Variants in RBFOX1 observed in about 807,000 individuals in gnomAD.
The protein encoded by RBFOX1 is RNA binding fox-1 homolog 1.
In RBFOX1, 8 loss-of-function variants were observed where a neutral mutation model predicts 57.7. That is an observed-to-expected ratio of 0.14 (90% CI 0.08 to 0.25). The LOEUF is 0.25. Among genes scored for constraint, RBFOX1 ranks in the 10% least tolerant of loss-of-function variants. The pLI is 1.00. For missense variants in RBFOX1, 611 were observed against 548.5 expected (o/e 1.11, Z -1.14); for synonymous variants, 326 against 222.4 (o/e 1.47, Z -4.15).
chr16:7,200,125 C>G (rs2087946660), intron 4 of RBFOX1, among the ~76,000 whole-genome samples: 1 of 152,160 alleles, frequency 6.6e-6, no homozygotes, highest in Non-Finnish European at 1.5e-5. Flanking sequence ...ACCAACAAAA[C>G]TGGTTTGAAT....
At chr16:7,602,647 G>A (rs189293581) in intron 9 of RBFOX1, among the ~76,000 whole-genome samples, 127 of 152,302 alleles carry the variant, frequency 8.3e-4, no homozygotes, top group African/African-American at 2.9e-3. Context: ...TCATTTGCAT[G>A]TGATTTGCAT....
intron 12 of RBFOX1, among the ~76,000 whole-genome samples, chr16:7,657,099 A>G (rs1318390841): frequency 6.6e-6 from 1 of 152,150 alleles, no homozygotes; most frequent in East Asian, 1.9e-4. Flanking sequence ...ATGAATCTAT[A>G]TTGTTACTAA....
intron 4 of RBFOX1, among the ~76,000 whole-genome samples, chr16:7,488,617 C>G (rs916557480): frequency 6.6e-6 from 1 of 152,136 alleles, no homozygotes; most frequent in Non-Finnish European, 1.5e-5. Flanking sequence ...CGTTACACAC[C>G]TATCTACTAT....
chr16:7,221,257 C>A (rs372519809), intron 4 of RBFOX1, among the ~76,000 whole-genome samples: 14 of 152,078 alleles, frequency 9.2e-5, no homozygotes, highest in African/African-American at 2.7e-4. Context: ...GGCTTCATAG[C>A]CACAAGGAGG....
rs536378473 is a variant in RBFOX1, at chr16:5,946,631, C to T, written c.351+79296C>T. On this transcript the variant is annotated intron_variant, in intron 4 of 19. Coordinates refer to the RBFOX1 transcript ENST00000641259. The surrounding 1 kb of genome is among the most constrained non-coding windows in gnomAD (Gnocchi z 4.6). Reference sequence around the variant, plus strand: ...TAGTAATTTCCTAAATTCTGTGAGCCGTGCTAGGCAACTATTGAACCAGAG... The same window carrying T: ...TAGTAATTTCCTAAATTCTGTGAGCTGTGCTAGGCAACTATTGAACCAGAG... Among the ~76,000 whole-genome samples, 34 of 152,252 alleles carry T rather than the reference C, an allele frequency of 2.2e-4. No homozygotes were observed. The highest frequency in any genetic ancestry group is 3.4e-3 in the Middle Eastern group (1 of 294).
chr16:6,047,232 G>A (rs1381333751), intron 1 of RBFOX1, among the ~76,000 whole-genome samples: 1 of 152,156 alleles, frequency 6.6e-6, no homozygotes, highest in Non-Finnish European at 1.5e-5. Flanking sequence ...ATGTGCGTGT[G>A]TTTCCTCCTG....
At chr16:6,856,721 C>G (rs181627206) in intron 3 of RBFOX1, among the ~76,000 whole-genome samples, 89 of 152,222 alleles carry the variant, frequency 5.8e-4, no homozygotes, top group African/African-American at 2.1e-3. Flanking sequence ...ATCTCAATCA[C>G]AAACTACCAT....
At chr16:7,281,523 C>T (rs188687754) in intron 4 of RBFOX1, among the ~76,000 whole-genome samples, 4 of 152,176 alleles carry the variant, frequency 2.6e-5, no homozygotes, top group African/African-American at 9.6e-5. Flanking sequence ...CATACACACA[C>T]AAAGAGACCA....
intron 4 of RBFOX1, among the ~76,000 whole-genome samples, chr16:7,326,914 C>A (rs1335250655): frequency 1.1e-4 from 16 of 152,138 alleles, no homozygotes; most frequent in Non-Finnish European, 2.2e-4. Context: ...TCAGTCATTT[C>A]TGGAAGGATT....
chr16:7,621,375 C>T (rs534642707), intron 10 of RBFOX1, among the ~76,000 whole-genome samples: 4 of 152,142 alleles, frequency 2.6e-5, no homozygotes, highest in African/African-American at 7.2e-5. Context: ...ATTCTTGTGC[C>T]TCAGCCGCCC....
At chr16:5,417,384 A>G (rs1031034500) in intron 1 of RBFOX1, among the ~76,000 whole-genome samples, 1 of 152,220 alleles carries the variant, frequency 6.6e-6, no homozygotes, top group African/African-American at 2.4e-5. Context: ...AACAGGCATG[A>G]TTGACAAAGT....
intron 2 of RBFOX1, among the ~76,000 whole-genome samples, chr16:5,516,778 A>G (rs2043808209): frequency 6.6e-6 from 1 of 152,128 alleles, no homozygotes; most frequent in African/African-American, 2.4e-5. Context: ...TTGGTTTTAT[A>G]AGGGGCTTTT....
At chr16:6,739,998 A>T (rs1568418133) in intron 3 of RBFOX1, among the ~76,000 whole-genome samples, 2 of 152,228 alleles carry the variant, frequency 1.3e-5, no homozygotes, top group Non-Finnish European at 2.9e-5. Context: ...TATCCCTGAT[A>T]AATATAGAAT....
rs141842150 is a variant in RBFOX1, at chr16:6,837,832, A to C, written c.-16+183182A>C. ...GTAATGAGGTAGCACTTGGGACTCC[A>C]CTTCAGACCACATTGAAGACTGGCG... On this transcript the variant is annotated intron_variant, in intron 3 of 15. Transcript: ENST00000550418. Among the ~76,000 whole-genome samples the C allele has an allele frequency of 6.6e-3, 1,002 of 152,240 alleles. 14 individuals are homozygous for C. Among genetic ancestry groups the C allele is most frequent in the African/African-American group, 0.023 (956 of 41,526 alleles).
chr16:5,661,971 T>C (rs771364083), intron 3 of RBFOX1, among the ~76,000 whole-genome samples: 59 of 152,078 alleles, frequency 3.9e-4, no homozygotes, highest in Non-Finnish European at 7.1e-4. Context: ...ATTTTTTTAG[T>C]AGAGATGGGG....
At chr16:7,223,609 C>T (rs12051030) in intron 4 of RBFOX1, among the ~76,000 whole-genome samples, 58,840 of 151,098 alleles carry the variant, frequency 0.39, 11,912 homozygotes, top group East Asian at 0.66. Context: ...GCTTAACTGC[C>T]TCTTGATGCT....
chr16:7,456,737 G>A (rs1455715184), intron 4 of RBFOX1, among the ~76,000 whole-genome samples: 1 of 152,090 alleles, frequency 6.6e-6, no homozygotes, highest in Non-Finnish European at 1.5e-5. Context: ...CGCCACCTAT[G>A]GCTGTGCTCT....
chr16:6,434,146 T>A (rs9941260), intron 2 of RBFOX1, among the ~76,000 whole-genome samples: 50,011 of 151,914 alleles, frequency 0.33, 9,347 homozygotes, highest in African/African-American at 0.5. Context: ...CCGTGCCTGG[T>A]CACTTCTAAG....
At chr16:5,839,669 A>G (rs2056566776) in intron 3 of RBFOX1, among the ~76,000 whole-genome samples, 1 of 152,194 alleles carries the variant, frequency 6.6e-6, no homozygotes, top group Non-Finnish European at 1.5e-5. Context: ...GCTTTACTTA[A>G]CAGTTTTGCT....
Sources: gnomAD v4.1 joint callset for allele counts (sites outside exome capture counted in the v4.1 genomes callset) on GRCh38, gnomAD v4.1.1 for gene constraint, Gnocchi (gnomAD v3.1) non-coding constraint, MANE v1.5 for transcripts, NCBI Gene and HGNC (gene_info 2026-07-23, HGNC 2026-07-21) for gene names.